The following ETV1 variants were observed in gnomAD, a reference collection of about 807,000 sequenced individuals.
ETV1 encodes the protein ETS variant transcription factor 1.
In ETV1, 27 loss-of-function variants were observed where a neutral mutation model predicts 62.3. The observed-to-expected ratio is 0.43, with a 90% CI of 0.32 to 0.60. The LOEUF (loss-of-function observed/expected upper bound fraction) is 0.60. Ranked by LOEUF, ETV1 falls within the 20% of genes least tolerant of loss-of-function variation. ETV1 has a pLI of 0.06. For synonymous variants in ETV1, 222 were observed against 199.6 expected (o/e 1.11, Z -0.94); for missense variants, 605 against 605.8 (o/e 1.00, Z 0.01).
intron 6 of ETV1, among the ~76,000 whole-genome samples, chr7:13,962,662 C>T (rs2128484583): frequency 6.6e-6 from 1 of 152,176 alleles, no homozygotes; most frequent in Non-Finnish European, 1.5e-5. Context: ...AGCTGAAGAC[C>T]TATGTATACA....
At chr7:13,954,876 G>C (rs1349251895) in intron 6 of ETV1, among the ~76,000 whole-genome samples, 2 of 152,120 alleles carry the variant, frequency 1.3e-5, no homozygotes, top group African/African-American at 4.8e-5. Flanking sequence ...CCAGAGCTAG[G>C]AAAGTTTGCC....
chr7:13,905,993 A>G (rs927377249), intron 12 of ETV1, among the ~76,000 whole-genome samples: 2 of 152,150 alleles, frequency 1.3e-5, no homozygotes, highest in Non-Finnish European at 2.9e-5. Flanking sequence ...TCCAACCCTC[A>G]TGACAAAATC....
In ETV1 at chr7:13,896,045, CTGGA is replaced by C; in HGVS notation, c.1251_1254del (p.Asp417GlufsTer17). On this transcript the variant is annotated frameshift_variant, in exon 14 of 14. Coordinates refer to ENST00000430479, the MANE Select transcript of ETV1 (RefSeq NM_004956.5). LOFTEE classifies it high-confidence loss of function. ...GGAAAGGCCATGGAGAAAAGGGCTT[CTGGA>C]TCACACACAAACTTGTAGACATATC... The C allele has an allele frequency of 6.2e-7, 1 of 1,613,710 alleles. No individual in the cohort carries two copies. The highest frequency in any genetic ancestry group is 8.5e-7 in the Non-Finnish European group (1 of 1,179,824).
At chr7:13,962,805 T>G (rs1316073842) in intron 6 of ETV1, among the ~76,000 whole-genome samples, 6 of 152,160 alleles carry the variant, frequency 3.9e-5, no homozygotes, top group Admixed American at 2.0e-4. Flanking sequence ...ATGTTATAAA[T>G]TAGAATAATT....
intron 6 of ETV1, among the ~76,000 whole-genome samples, chr7:13,949,556 AC>A (rs1281479344): frequency 6.6e-6 from 1 of 151,984 alleles, no homozygotes; most frequent in Non-Finnish European, 1.5e-5. Flanking sequence ...AGCCCTCCCC[AC>A]CCCCACTGTG....
chr7:13,932,044 C>CCACCCACACA (rs1554298781), intron 8 of ETV1, among the ~76,000 whole-genome samples: 1 of 147,954 alleles, frequency 6.8e-6, no homozygotes, highest in African/African-American at 2.5e-5. Context: ...TTTTACACAC[C>CCACCCACACA]CACACACACA....
intron 13 of ETV1, among the ~76,000 whole-genome samples, chr7:13,897,738 T>C (rs547808640): frequency 6.6e-6 from 1 of 152,258 alleles, no homozygotes; most frequent in East Asian, 1.9e-4. Context: ...ACCATAAACA[T>C]AAAAATAGCA....
In ETV1 at chr7:13,895,118, T is replaced by A. The variant is rs974404301; in HGVS notation, c.*748A>T. 4.3e-6 allele frequency: 1 copy of A among 233,404 alleles called. No homozygotes were observed. The highest frequency in any genetic ancestry group is 8.5e-6 in the Non-Finnish European group (1 of 117,926). 14.5% of individuals were successfully genotyped at this position (233,404 alleles called of 1,614,324 possible). A position where few individuals can be genotyped will look rare whatever the true frequency, so the allele number is the denominator to read the frequency against. On this transcript the variant is annotated 3_prime_UTR_variant, in exon 14 of 14. Transcript: ENST00000430479. ...AATATTTAAAAGACGGTATGATTTG[T>A]ATCTAAACAGCAAGGTGGCACCAGA...
chr7:13,960,706 A>G (rs1490242777), intron 6 of ETV1, among the ~76,000 whole-genome samples: 1 of 152,134 alleles, frequency 6.6e-6, no homozygotes, highest in Non-Finnish European at 1.5e-5. Flanking sequence ...CTCAGTGCCA[A>G]ATTCTCTGAT....
Position 13,899,639 on chromosome 7 carries a change from G to A in ETV1, c.1212+1099C>T, listed in dbSNP as rs547726469. 1.1e-4 allele frequency among the ~76,000 whole-genome samples: 17 copies of A among 152,270 alleles called. 1 individual carries two copies. The South Asian group carries it at 2.5e-3, about 22-fold the overall frequency. ...TAAACAAATGATACAAAATAAAACT[G>A]TAACGTTCACAATAGGTAAATCATA... On this transcript the variant is annotated intron_variant, in intron 13 of 13. Transcript: ENST00000430479.
At chr7:13,925,515 G>C (rs1339799517) in intron 9 of ETV1, among the ~76,000 whole-genome samples, 3 of 152,086 alleles carry the variant, frequency 2.0e-5, no homozygotes, top group African/African-American at 7.2e-5. Context: ...TTCACTTATA[G>C]GACTGACGTG....
chr7:13,969,732 C>T (rs1470290471), intron 6 of ETV1, among the ~76,000 whole-genome samples: 1 of 152,138 alleles, frequency 6.6e-6, no homozygotes, highest in African/African-American at 2.4e-5. Context: ...CAGCTGATTA[C>T]CGGCATTAAA....
chr7:13,934,347 C>T (rs567482614), intron 8 of ETV1, among the ~76,000 whole-genome samples: 96 of 152,328 alleles, frequency 6.3e-4, no homozygotes, highest in African/African-American at 2.3e-3. Context: ...ATCTTACGCC[C>T]TTTATAGCAA....
chr7:13,970,661 G>C (rs1780811643), intron 6 of ETV1, among the ~76,000 whole-genome samples: 1 of 151,818 alleles, frequency 6.6e-6, no homozygotes. Context: ...AACTTAATCG[G>C]GCAAGAAAGT....
At chr7:13,941,898 T>C (rs1787555567) in intron 6 of ETV1, among the ~76,000 whole-genome samples, 1 of 143,456 alleles carries the variant, frequency 7.0e-6, no homozygotes, top group Non-Finnish European at 1.5e-5. Context: ...AATAAATAAA[T>C]AAATAAATAA....
chr7:13,935,970 G>A, intron 7 of ETV1, 74 bp from the exon 8 acceptor site: 4 of 1,190,700 alleles, frequency 3.4e-6, no homozygotes, highest in Non-Finnish European at 4.7e-6. Context: ...CTAATCCAAA[G>A]GAAGAAAAGA....
chr7:13,988,236 G>A, intron 3 of ETV1, 63 bp from the exon 4 acceptor site: 5 of 909,222 alleles, frequency 5.5e-6, no homozygotes, highest in Admixed American at 2.0e-5. Context: ...ACACGCACAC[G>A]CGCGCGCACA....
intron 11 of ETV1, chr7:13,907,807 G>A (rs537280416): frequency 2.1e-5 from 10 of 469,998 alleles, no homozygotes; most frequent in South Asian, 1.6e-4. Context: ...GGTCAGTAGA[G>A]AGACATATAC....
chr7:13,896,100 TG>T lies in ETV1; in HGVS notation c.1213-14del. ...TCTCTCCAGCCACCTGATGATAACA[TG>T]GAAGAGAAAAACCCATCCTCACCAT... On this transcript the variant is annotated splice_polypyrimidine_tract_variant and intron_variant, in intron 13 of 13. Transcript: ENST00000430479. The T allele has an allele frequency of 6.2e-7, 1 of 1,605,988 alleles. No individual in the cohort carries two copies. Among genetic ancestry groups the T allele is most frequent in the African/African-American group, 1.3e-5 (1 of 74,790 alleles).
Sources: gnomAD v4.1 joint callset for allele counts (sites outside exome capture counted in the v4.1 genomes callset) on GRCh38, gnomAD v4.1.1 for gene constraint, MANE v1.5 for transcripts, NCBI Gene and HGNC (gene_info 2026-07-23, HGNC 2026-07-21) for gene names.